Variants in SLC26A8 observed in about 807,000 individuals in gnomAD.
SLC26A8 encodes the protein testis anion transporter 1.
In SLC26A8, 70 loss-of-function variants were observed where a neutral mutation model predicts 105.0. The ratio of observed to expected loss-of-function variants is 0.67; its 90% CI spans 0.55 to 0.81. The LOEUF is 0.81. Ranked by LOEUF, SLC26A8 falls within the 40% of genes least tolerant of loss-of-function variation. The pLI is 0.00. For missense variants in SLC26A8, 998 were observed against 1,181.8 expected (o/e 0.84, Z 2.28); for synonymous variants, 415 against 438.3 (o/e 0.95, Z 0.66).
At chr6:35,987,399 A>G (rs1430419820) in intron 7 of SLC26A8, among the ~76,000 whole-genome samples, 1 of 152,022 alleles carries the variant, frequency 6.6e-6, no homozygotes. Flanking sequence ...TTTGAGACAG[A>G]GTCTTGCTGT....
In SLC26A8 at chr6:35,981,030, A is replaced by G. The variant is rs1032106221; in HGVS notation, c.1025+1091T>C. On this transcript the variant is annotated intron_variant, in intron 8 of 19. Coordinates refer to ENST00000490799, the MANE Select transcript of SLC26A8 (RefSeq NM_052961.4). This position sits in a 1 kb window ranked among gnomAD's most constrained non-coding sequence, Gnocchi z 4.0. Reference sequence around the variant, plus strand: ...GTCTCAAAAAGAAAAAAAAAAGCCTACATTTTGTGATCCTGGAGTTTAGCA... The same window carrying G: ...GTCTCAAAAAGAAAAAAAAAAGCCTGCATTTTGTGATCCTGGAGTTTAGCA... Among the ~76,000 whole-genome samples the G allele has an allele frequency of 2.0e-5, 3 of 151,778 alleles. No individual in the cohort carries two copies. The highest frequency in any genetic ancestry group is 2.4e-5 in the African/African-American group (1 of 41,296).
intron 17 of SLC26A8, among the ~76,000 whole-genome samples, chr6:35,953,745 C>T (rs531490223): frequency 4.6e-5 from 7 of 152,238 alleles, no homozygotes; most frequent in South Asian, 2.1e-4. Flanking sequence ...GATTAGGAAA[C>T]GGAGACCCAG....
At chr6:36,024,220 G>T (rs1214917948) in intron 1 of SLC26A8, 1 of 303,762 alleles carries the variant, frequency 3.3e-6, no homozygotes, top group South Asian at 2.3e-5. Flanking sequence ...CAGTTCTGGG[G>T]CTTTTGACAA....
intron 19 of SLC26A8, among the ~76,000 whole-genome samples, 185 bp from the exon 20 acceptor site, chr6:35,944,525 T>TATAATTATTATATAATAATA (rs1451694245): frequency 2.8e-4 from 41 of 147,634 alleles, no homozygotes; most frequent in Non-Finnish European, 1.5e-5. Context: ...TAATAATAAT[T>TATAATTATTATATAATAATA]ATAATTATTA....
intron 2 of SLC26A8, among the ~76,000 whole-genome samples, chr6:36,014,163 T>A (rs1400368960): frequency 6.6e-6 from 1 of 152,004 alleles, no homozygotes; most frequent in Non-Finnish European, 1.5e-5. Flanking sequence ...TGGAGAAGAG[T>A]AGAGCATGGC....
Position 35,955,484 on chromosome 6 carries a change from G to T in SLC26A8, c.1900C>A (p.Pro634Thr). 1 of 1,614,144 alleles carries T rather than the reference G, an allele frequency of 6.2e-7. No individual in the cohort carries two copies. The highest frequency in any genetic ancestry group is 2.2e-5 in the East Asian group (1 of 44,886). The change falls in exon 17 of 20, where the codon CCC becomes ACC. Residue 634 changes from proline (P) to threonine (T), a missense_variant. By Grantham distance (38) the Pro-to-Thr change is conservative. Transcript: ENST00000490799. ...ATCAGGTTAATGGAGGATGCTTCGG[G>T]ATCCAGTTTATTTTCAAATCGCTCT... ...YTERFENKLDPEASSINLIHC... is the reference protein window; with the variant it reads ...YTERFENKLDTEASSINLIHC...
chr6:35,997,035 A>G (rs1669529164), intron 5 of SLC26A8, among the ~76,000 whole-genome samples: 1 of 141,956 alleles, frequency 7.0e-6, no homozygotes, highest in South Asian at 2.2e-4. Flanking sequence ...AACTCCATCT[A>G]AAAAAAAAAA....
At chr6:35,998,504 G>T (rs557148794) in intron 4 of SLC26A8, among the ~76,000 whole-genome samples, 4 of 150,704 alleles carry the variant, frequency 2.7e-5, no homozygotes, top group Admixed American at 2.0e-4. Context: ...GCAGTGAGTC[G>T]AGATGGCACG....
chr6:35,977,427 T>C, intron 8 of SLC26A8, 76 bp from the exon 9 acceptor site: 1 of 1,356,576 alleles, frequency 7.4e-7, no homozygotes, highest in Non-Finnish European at 1.0e-6. Flanking sequence ...ATTCTAACAC[T>C]GGGCTGTCCT....
chr6:35,987,669 T>A (rs1181748296), intron 7 of SLC26A8, among the ~76,000 whole-genome samples: 1 of 150,794 alleles, frequency 6.6e-6, no homozygotes, highest in East Asian at 2.0e-4. Flanking sequence ...CCGCTCCCAG[T>A]CTCCATTTTC....
At chr6:35,991,831 A>T (rs878990864) in intron 6 of SLC26A8, 23 bp from the exon 7 acceptor site, 2 of 1,557,258 alleles carry the variant, frequency 1.3e-6, no homozygotes, top group South Asian at 2.5e-5. Flanking sequence ...AAAATTACGG[A>T]GGCTTAGAAA....
intron 4 of SLC26A8, among the ~76,000 whole-genome samples, chr6:35,998,985 C>T (rs925924959): frequency 6.6e-6 from 1 of 152,072 alleles, no homozygotes; most frequent in Non-Finnish European, 1.5e-5. Flanking sequence ...ACCTCCACCT[C>T]CCGGGTTCAG....
intron 10 of SLC26A8, among the ~76,000 whole-genome samples, chr6:35,971,949 C>T (rs1214634591): frequency 6.6e-6 from 1 of 152,122 alleles, no homozygotes; most frequent in African/African-American, 2.4e-5. Context: ...GGGGACAGCC[C>T]AGCTGGCCAC....
chr6:35,971,296 T>TTTTATATCTCATGCATGC, intron 10 of SLC26A8, among the ~76,000 whole-genome samples: 1 of 152,132 alleles, frequency 6.6e-6, no homozygotes, highest in Non-Finnish European at 1.5e-5. Flanking sequence ...TGTCTGCATG[T>TTTTATATCTCATGCATGC]TTTACATCTC....
At chr6:35,991,862 G>A in intron 6 of SLC26A8, 54 bp from the exon 7 acceptor site, 1 of 1,483,538 alleles carries the variant, frequency 6.7e-7, no homozygotes, top group East Asian at 2.5e-5. Context: ...AATTGCCTAA[G>A]TCTAGAAATT....
intron 5 of SLC26A8, among the ~76,000 whole-genome samples, chr6:35,993,304 C>T (rs887065618): frequency 6.6e-6 from 1 of 151,816 alleles, no homozygotes. Flanking sequence ...CTGTGCCTGG[C>T]CTGCCTTTGC....
At chr6:35,991,622 A>G in intron 7 of SLC26A8, 37 bp downstream of exon 7, 2 of 1,464,190 alleles carry the variant, frequency 1.4e-6, no homozygotes, top group South Asian at 1.5e-5. Flanking sequence ...TACTAAAATT[A>G]TGCAAACTAT....
At position 36,019,512 on chromosome 6, in the gene SLC26A8, A is replaced by C; in HGVS notation, c.188+8T>G. The C allele has an allele frequency of 2.5e-6, 4 of 1,610,304 alleles. No homozygotes were observed. Among genetic ancestry groups the C allele is most frequent in the Non-Finnish European group, 2.5e-6 (3 of 1,178,292 alleles). On this transcript the variant is annotated splice_region_variant and intron_variant, in intron 2 of 19. Coordinates refer to ENST00000490799, the MANE Select transcript of SLC26A8 (RefSeq NM_052961.4). ...CTCGGCAGCAGGTGAAAGATTGGAC[A>C]CACGCACCGGCACTGGACGTGGTGT...
intron 2 of SLC26A8, among the ~76,000 whole-genome samples, chr6:36,018,799 G>A (rs1164370617): frequency 6.6e-6 from 1 of 152,238 alleles, no homozygotes; most frequent in African/African-American, 2.4e-5. Context: ...GCTAGTCACA[G>A]CGGGTATCAG....
Sources: allele counts gnomAD v4.1 joint callset (sites outside exome capture counted in the v4.1 genomes callset), GRCh38; gene constraint gnomAD v4.1.1; non-coding constraint Gnocchi (gnomAD v3.1); transcripts MANE v1.5; gene names NCBI Gene and HGNC (gene_info 2026-07-23, HGNC 2026-07-21).